The following HDAC9 variants were observed in gnomAD, a reference collection of about 807,000 sequenced individuals.
HDAC9 encodes histone deacetylase 9.
HDAC9 carries 41 observed loss-of-function variants against 139.4 expected under a neutral mutation model. The observed-to-expected ratio is 0.29, with a 90% confidence interval of 0.23 to 0.38. The LOEUF is 0.38. HDAC9 is among the 10% of genes least tolerant of loss of function. HDAC9 has a pLI of 1.00. For synonymous variants in HDAC9, 517 were observed against 476.2 expected, an observed-to-expected ratio of 1.09 and a Z score of -1.12; for missense variants, 1,147 against 1,297.0, an observed-to-expected ratio of 0.88 and a Z score of 1.78.
chr7:18,688,498 A>G (rs1328618718), intron 12 of HDAC9, among the ~76,000 whole-genome samples: 1 of 151,932 alleles, frequency 6.6e-6, no homozygotes, highest in Non-Finnish European at 1.5e-5. Context: ...TATTGCTGAT[A>G]AAAGCTGACT....
intron 23 of HDAC9, among the ~76,000 whole-genome samples, chr7:18,946,291 T>G (rs1377537147): frequency 6.6e-6 from 1 of 152,078 alleles, no homozygotes; most frequent in Non-Finnish European, 1.5e-5. Flanking sequence ...CACTGCATTT[T>G]TATATAAAAT....
chr7:18,910,435 A>G (rs957279922), intron 22 of HDAC9, among the ~76,000 whole-genome samples: 2 of 151,920 alleles, frequency 1.3e-5, no homozygotes, highest in African/African-American at 4.8e-5. Flanking sequence ...TGTCAATTCA[A>G]GGAATTCTTT....
intron 13 of HDAC9, among the ~76,000 whole-genome samples, chr7:18,747,651 G>T (rs185681022): frequency 1.1e-4 from 17 of 152,270 alleles, no homozygotes; most frequent in Admixed American, 5.2e-4. Context: ...TGCTCATAAG[G>T]GAGGTCAGTC....
rs1192806877 is a variant in HDAC9, at chr7:18,732,942, T to C, written c.1909+5185T>C. Among the ~76,000 whole-genome samples, 14 of 131,284 alleles carry C rather than the reference T, an allele frequency of 1.1e-4. 2 individuals are homozygous for C. Among genetic ancestry groups the C allele is most frequent in the African/African-American group, 4.1e-4 (12 of 29,510 alleles). The allele number at this position is 131,284 out of a possible 152,430, so 86.1% of individuals were successfully genotyped here. On this transcript the variant is annotated intron_variant, in intron 13 of 25. Coordinates refer to ENST00000686413, the MANE Select transcript of HDAC9 (RefSeq NM_178425.4). Reference sequence around the variant, plus strand: ...ATACACACGTGTGTATGTATGTGTATACACACGTGTATGTGTGTGTATGTG... The same window carrying C: ...ATACACACGTGTGTATGTATGTGTACACACACGTGTATGTGTGTGTATGTG...
At chr7:18,795,713 G>T (rs1335578175) in intron 17 of HDAC9, among the ~76,000 whole-genome samples, 2 of 152,146 alleles carry the variant, frequency 1.3e-5, no homozygotes, top group East Asian at 1.9e-4. Flanking sequence ...TGCCATGGGG[G>T]AAAAGTAGAA....
At chr7:18,158,133 T>C (rs1292183791) in intron 1 of HDAC9, among the ~76,000 whole-genome samples, 3 of 152,186 alleles carry the variant, frequency 2.0e-5, no homozygotes, top group African/African-American at 7.2e-5. Context: ...ATAAAAGCGT[T>C]CTGCTTTTTT....
chr7:18,109,087 G>A (rs192788472), intron 1 of HDAC9, among the ~76,000 whole-genome samples: 9 of 152,288 alleles, frequency 5.9e-5, no homozygotes, highest in Non-Finnish European at 1.3e-4. Flanking sequence ...TGGCAGTGAA[G>A]ACTTCCTGGG....
intron 1 of HDAC9, among the ~76,000 whole-genome samples, chr7:18,346,975 G>A (rs1782464654): frequency 6.6e-6 from 1 of 152,090 alleles, no homozygotes; most frequent in Non-Finnish European, 1.5e-5. Context: ...AGGAGAGGCT[G>A]GCGGCACAAA....
chr7:18,902,428 G>A (rs1801814936), intron 22 of HDAC9, among the ~76,000 whole-genome samples: 1 of 152,188 alleles, frequency 6.6e-6, no homozygotes, highest in African/African-American at 2.4e-5. Context: ...AGAAAAATGA[G>A]GCTTTGGCAG....
chr7:18,168,893 T>TGTGTGTG (rs1170116015), intron 2 of HDAC9, among the ~76,000 whole-genome samples: 243 of 116,754 alleles, frequency 2.1e-3, no homozygotes, highest in African/African-American at 8.4e-3. Flanking sequence ...TTTTTTTTTT[T>TGTGTGTG]TTTTTGTGTG....
intron 22 of HDAC9, among the ~76,000 whole-genome samples, chr7:18,908,369 G>A (rs1056557589): frequency 6.6e-6 from 1 of 152,000 alleles, no homozygotes; most frequent in Non-Finnish European, 1.5e-5. Flanking sequence ...ATCACCTCAA[G>A]CGCTTATCAT....
chr7:18,990,718 C>T (rs1265756784), intron 25 of HDAC9, among the ~76,000 whole-genome samples: 13 of 152,230 alleles, frequency 8.5e-5, no homozygotes, highest in Non-Finnish European at 1.9e-4. Flanking sequence ...GGCGTAGGAC[C>T]CTCCGAGCCA....
At chr7:18,518,870 A>T in intron 2 of HDAC9, among the ~76,000 whole-genome samples, 1 of 152,242 alleles carries the variant, frequency 6.6e-6, no homozygotes, top group East Asian at 1.9e-4. Flanking sequence ...GGCTTCCGAC[A>T]TGTGAAATGT....
chr7:18,850,645 C>T (rs1368746547), intron 21 of HDAC9, among the ~76,000 whole-genome samples: 1 of 152,166 alleles, frequency 6.6e-6, no homozygotes, highest in Non-Finnish European at 1.5e-5. Context: ...TAGAGGCTTC[C>T]CTCGCCATTA....
intron 25 of HDAC9, among the ~76,000 whole-genome samples, chr7:18,990,699 G>T (rs1785829969): frequency 6.6e-6 from 1 of 152,256 alleles, no homozygotes; most frequent in South Asian, 2.1e-4. Flanking sequence ...CAGTCAGCGA[G>T]ATTCTGTGGG....
intron 1 of HDAC9, among the ~76,000 whole-genome samples, chr7:18,464,919 G>T (rs1232106424): frequency 6.6e-6 from 1 of 151,958 alleles, no homozygotes; most frequent in Non-Finnish European, 1.5e-5. Flanking sequence ...CTTTCCAAGG[G>T]TCAATGTGAT....
chr7:18,859,628 C>A (rs1797939382), intron 21 of HDAC9, among the ~76,000 whole-genome samples: 1 of 151,114 alleles, frequency 6.6e-6, no homozygotes, highest in African/African-American at 2.4e-5. Context: ...AAATAATACA[C>A]ACTTTTTCCA....
intron 6 of HDAC9, among the ~76,000 whole-genome samples, chr7:18,613,671 T>A (rs982869928): frequency 2.0e-4 from 31 of 152,168 alleles, no homozygotes; most frequent in African/African-American, 7.5e-4. Flanking sequence ...AGAATAACTT[T>A]TATTGAGCAT....
At chr7:18,965,128 C>A (rs1783764687) in intron 24 of HDAC9, among the ~76,000 whole-genome samples, 1 of 152,184 alleles carries the variant, frequency 6.6e-6, no homozygotes, top group South Asian at 2.1e-4. Flanking sequence ...GACTCTTTCC[C>A]AGAAGATGAG....
Sources: allele counts gnomAD v4.1 joint callset (sites outside exome capture counted in the v4.1 genomes callset), GRCh38; gene constraint gnomAD v4.1.1; transcripts MANE v1.5; gene names NCBI Gene and HGNC (gene_info 2026-07-23, HGNC 2026-07-21).